Variants in SYNPR observed in about 807,000 individuals in gnomAD.
The protein encoded by SYNPR is synaptoporin.
A neutral mutation model predicts 32.9 loss-of-function variants in SYNPR; 23 were observed. The ratio of observed to expected loss-of-function variants is 0.70; its 90% CI spans 0.50 to 0.99. SYNPR has a LOEUF of 0.99. Among genes scored for constraint, SYNPR ranks in the 50% least tolerant of loss-of-function variants. The probability of loss-of-function intolerance (pLI) is 0.00; values close to 1 mark genes in which losing one functional copy is unlikely to be tolerated. For missense variants in SYNPR, 318 were observed against 349.3 expected, an observed-to-expected ratio of 0.91 and a Z score of 0.71; for synonymous variants, 146 against 135.9, an observed-to-expected ratio of 1.07 and a Z score of -0.52.
intron 2 of SYNPR, among the ~76,000 whole-genome samples, chr3:63,381,752 T>C (rs1234689014): frequency 3.3e-5 from 5 of 152,190 alleles, no homozygotes; most frequent in Non-Finnish European, 5.9e-5. Context: ...TTTCTGTTCA[T>C]TCTCTCTGTG....
Position 63,616,642 on chromosome 3 carries a change from C to T in SYNPR, c.*1161C>T, listed in dbSNP as rs899400719. On this transcript the variant is annotated 3_prime_UTR_variant, in exon 6 of 6. Coordinates refer to ENST00000478300, the MANE Select transcript of SYNPR (RefSeq NM_001130003.2). ...CCAAAGAGAGTTCTCATGAAATATT[C>T]TCCAGAATGTATTCATTATCAAGAA... 6.6e-6 allele frequency: 1 copy of T among 152,614 alleles called. No homozygotes were observed. Among genetic ancestry groups the T allele is most frequent in the Non-Finnish European group, 1.5e-5 (1 of 68,034 alleles). The allele number at this position is 152,614 out of a possible 1,614,324, so 9.5% of individuals were successfully genotyped here. A position where few individuals can be genotyped will look rare whatever the true frequency, so the allele number is the denominator to read the frequency against.
chr3:63,384,667 C>T (rs1170344060), intron 2 of SYNPR, among the ~76,000 whole-genome samples: 1 of 152,146 alleles, frequency 6.6e-6, no homozygotes. Context: ...TTATGTTAAG[C>T]CTTTCCATTA....
chr3:63,283,834 T>TC (rs1460229596), intron 2 of SYNPR, among the ~76,000 whole-genome samples: 3 of 147,238 alleles, frequency 2.0e-5, no homozygotes, highest in African/African-American at 7.5e-5. Flanking sequence ...TTTTTTTTTT[T>TC]TGAGACGGAG....
chr3:63,332,981 A>T (rs993344448), intron 2 of SYNPR, among the ~76,000 whole-genome samples: 21 of 152,124 alleles, frequency 1.4e-4, no homozygotes, highest in African/African-American at 7.2e-5. Flanking sequence ...CTCCGCCACC[A>T]GTTGGACAAC....
intron 3 of SYNPR, among the ~76,000 whole-genome samples, chr3:63,521,856 C>T (rs1307286351): frequency 1.3e-5 from 2 of 152,196 alleles, no homozygotes; most frequent in African/African-American, 4.8e-5. Context: ...AGAGGCATGC[C>T]TGAGGGCTGG....
intron 1 of SYNPR, among the ~76,000 whole-genome samples, chr3:63,246,978 G>T (rs1158328143): frequency 6.6e-6 from 1 of 151,888 alleles, no homozygotes; most frequent in Non-Finnish European, 1.5e-5. Context: ...TCATACTTGG[G>T]TGATGGGATG....
intron 1 of SYNPR, among the ~76,000 whole-genome samples, chr3:63,241,892 T>G (rs1445796489): frequency 6.6e-6 from 1 of 152,146 alleles, no homozygotes; most frequent in East Asian, 1.9e-4. Flanking sequence ...TTGGATCATG[T>G]CACAGACTCC....
intron 2 of SYNPR, among the ~76,000 whole-genome samples, chr3:63,326,987 A>G (rs2087174681): frequency 1.3e-5 from 2 of 152,002 alleles, no homozygotes; most frequent in Admixed American, 6.6e-5. Context: ...CCATTAAAAG[A>G]CTACTTTCCT....
At chr3:63,238,466 G>A (rs1319654188) in intron 1 of SYNPR, among the ~76,000 whole-genome samples, 4 of 151,344 alleles carry the variant, frequency 2.6e-5, no homozygotes, top group East Asian at 1.9e-4. Flanking sequence ...TACTCTCCGC[G>A]TCCCCCTTCC....
At chr3:63,436,964 C>T (rs1242928780) in intron 2 of SYNPR, among the ~76,000 whole-genome samples, 1 of 152,140 alleles carries the variant, frequency 6.6e-6, no homozygotes, top group East Asian at 1.9e-4. Context: ...GCAACCTCCG[C>T]CTCCCGGGTT....
chr3:63,554,175 A>G (rs939780986), intron 3 of SYNPR, among the ~76,000 whole-genome samples: 1 of 152,186 alleles, frequency 6.6e-6, no homozygotes, highest in African/African-American at 2.4e-5. Flanking sequence ...CCCGTCCTGT[A>G]GGTCTTTTCA....
At chr3:63,470,898 ACAAAC>A (rs1700782635) in intron 2 of SYNPR, among the ~76,000 whole-genome samples, 2 of 152,188 alleles carry the variant, frequency 1.3e-5, no homozygotes. Flanking sequence ...TGTGTGAAAA[ACAAAC>A]CCCTATTTGT....
chr3:63,501,302 A>T (rs1701473396), intron 3 of SYNPR, among the ~76,000 whole-genome samples: 1 of 152,010 alleles, frequency 6.6e-6, no homozygotes, highest in Non-Finnish European at 1.5e-5. Flanking sequence ...AACATGGTGA[A>T]ACCTCGTCTT....
At chr3:63,325,201 G>C (rs2087153113) in intron 2 of SYNPR, among the ~76,000 whole-genome samples, 1 of 152,006 alleles carries the variant, frequency 6.6e-6, no homozygotes, top group Admixed American at 6.6e-5. Flanking sequence ...TTAATTCTTA[G>C]GTGACAAGAG....
At chr3:63,498,460 A>G (rs73831864) in intron 3 of SYNPR, among the ~76,000 whole-genome samples, 9 of 152,290 alleles carry the variant, frequency 5.9e-5, no homozygotes, top group African/African-American at 2.2e-4. Context: ...AGACTGTGTC[A>G]GATTAAAATA....
intron 2 of SYNPR, among the ~76,000 whole-genome samples, chr3:63,466,080 A>C (rs895017107): frequency 1.3e-5 from 2 of 151,990 alleles, no homozygotes; most frequent in Admixed American, 1.3e-4. Flanking sequence ...CTCTGAAAGG[A>C]CCCAGTGTGT....
chr3:63,539,693 G>A (rs892641084), intron 3 of SYNPR, among the ~76,000 whole-genome samples: 2 of 152,114 alleles, frequency 1.3e-5, no homozygotes, highest in Non-Finnish European at 2.9e-5. Context: ...TTTATAGGAG[G>A]TGATTTCAGA....
intron 2 of SYNPR, among the ~76,000 whole-genome samples, chr3:63,320,989 C>T (rs1306649890): frequency 6.6e-6 from 1 of 151,942 alleles, no homozygotes; most frequent in Non-Finnish European, 1.5e-5. Context: ...CTTAACAGTG[C>T]TAGAAAATAT....
chr3:63,309,718 C>G (rs2086943720), intron 2 of SYNPR, among the ~76,000 whole-genome samples: 1 of 151,904 alleles, frequency 6.6e-6, no homozygotes, highest in South Asian at 2.1e-4. Context: ...CTCTCCTAGA[C>G]ACGGGCAGCC....
Sources: allele counts gnomAD v4.1 joint callset (sites outside exome capture counted in the v4.1 genomes callset), GRCh38; gene constraint gnomAD v4.1.1; transcripts MANE v1.5; gene names NCBI Gene and HGNC (gene_info 2026-07-23, HGNC 2026-07-21).